MBNL1: variants seen among roughly 807,000 people sequenced by gnomAD.
MBNL1 encodes the protein muscleblind-like protein 1.
A neutral mutation model predicts 42.2 loss-of-function variants in MBNL1; 8 were observed. The observed-to-expected ratio is 0.19, with a 90% CI of 0.11 to 0.34. The LOEUF (loss-of-function observed/expected upper bound fraction) is 0.34, where lower values mean the gene tolerates loss of function less well. Ranked by LOEUF, MBNL1 falls within the 10% of genes least tolerant of loss-of-function variation. The pLI, the probability that MBNL1 is intolerant of heterozygous loss-of-function variation, is 1.00. For missense variants in MBNL1, 309 were observed against 495.3 expected (o/e 0.62, Z 3.57); for synonymous variants, 169 against 173.9 (o/e 0.97, Z 0.22).
chr3:152,285,850 T>C (rs1215044798), intron 1 of MBNL1, among the ~76,000 whole-genome samples: 2 of 151,918 alleles, frequency 1.3e-5, no homozygotes, highest in Admixed American at 6.6e-5. Context: ...TCTCGAACTC[T>C]TGGGCTCAAG....
intron 2 of MBNL1, among the ~76,000 whole-genome samples, chr3:152,248,068 A>G (rs1441489900): frequency 1.3e-5 from 2 of 152,026 alleles, no homozygotes; most frequent in Admixed American, 6.6e-5. Context: ...ATAAATTGCA[A>G]TATGATTTTG....
At chr3:152,288,524 A>G (rs1221053220) in intron 1 of MBNL1, among the ~76,000 whole-genome samples, 1 of 152,148 alleles carries the variant, frequency 6.6e-6, no homozygotes, top group Non-Finnish European at 1.5e-5. Flanking sequence ...ATCAGTTAGC[A>G]TCCAAAAAAG....
At chr3:152,262,100 C>T (rs774852647) in intron 2 of MBNL1, among the ~76,000 whole-genome samples, 1 of 152,144 alleles carries the variant, frequency 6.6e-6, no homozygotes, top group Non-Finnish European at 1.5e-5. Context: ...ACTTCTTTAT[C>T]CCCAGTGCCA....
Position 152,432,733 on chromosome 3 carries a change from C to G in MBNL1, c.362C>G (p.Ala121Gly), listed in dbSNP as rs1450523953. The change falls in exon 4 of 10, where the codon GCA becomes GGA. Residue 121 changes from alanine to glycine, a missense_variant. Transcript: ENST00000324210. ...ATTTTTCAGCCAATGTTTTCAGTTG[C>G]ACCAAGCTTAGCCACCAATGCATCA... Reference protein sequence around the residue: ...PLQPVPMFSVAPSLATNASAA... With the variant: ...PLQPVPMFSVGPSLATNASAA... 1.2e-6 allele frequency: 2 copies of G among 1,614,052 alleles called. No homozygotes were observed. Among genetic ancestry groups the G allele is most frequent in the Non-Finnish European group, 8.5e-7 (1 of 1,180,020 alleles).
chr3:152,258,072 G>T (rs779543578), intron 2 of MBNL1, among the ~76,000 whole-genome samples: 27 of 152,096 alleles, frequency 1.8e-4, no homozygotes, highest in Non-Finnish European at 3.8e-4. Context: ...AACTGTAAAG[G>T]TATCTCTGTA....
chr3:152,359,409 T>G (rs144253039), intron 2 of MBNL1, among the ~76,000 whole-genome samples: 3 of 152,328 alleles, frequency 2.0e-5, no homozygotes, highest in African/African-American at 7.2e-5. Context: ...GTGAGATGGA[T>G]CCAGTGGTAT....
rs541569974 is a variant in MBNL1 at position 152,332,553 on chromosome 3, A to G, written c.174+32186A>G. On this transcript the variant is annotated intron_variant, in intron 2 of 9. Coordinates refer to ENST00000324210, the MANE Select transcript of MBNL1 (RefSeq NM_021038.5). ...TGTAAATGACACACCACCTCAAGCT[A>G]TGCCACATGGGCACCTAAATAAGTT... Among the ~76,000 whole-genome samples, 4 of 152,342 alleles carry G rather than the reference A, an allele frequency of 2.6e-5. No individual in the cohort carries two copies. In the South Asian group the frequency reaches 8.3e-4, roughly 32 times the overall value.
intron 2 of MBNL1, among the ~76,000 whole-genome samples, chr3:152,356,443 C>G (rs1210259875): frequency 6.6e-6 from 1 of 152,072 alleles, no homozygotes; most frequent in African/African-American, 2.4e-5. Context: ...TCTAGTAATC[C>G]AAGTTTGCCT....
chr3:152,405,766 T>G (rs1310475258), intron 2 of MBNL1, among the ~76,000 whole-genome samples: 1 of 152,206 alleles, frequency 6.6e-6, no homozygotes, highest in Non-Finnish European at 1.5e-5. Context: ...GATAAATATT[T>G]ATAACACATT....
At chr3:152,459,089 A>AAGTT in intron 8 of MBNL1, 182 bp from the exon 9 acceptor site, 1 of 441,610 alleles carries the variant, frequency 2.3e-6, no homozygotes, top group Non-Finnish European at 4.1e-6. Context: ...GAAGATTTTA[A>AAGTT]AGTTAGTTGC....
At chr3:152,283,567 T>C (rs2049810924) in intron 1 of MBNL1, among the ~76,000 whole-genome samples, 1 of 152,222 alleles carries the variant, frequency 6.6e-6, no homozygotes, top group African/African-American at 2.4e-5. Flanking sequence ...GTCTTATTCT[T>C]AGCCCTTTGG....
intron 2 of MBNL1, among the ~76,000 whole-genome samples, chr3:152,354,901 C>T (rs555127530): frequency 9.9e-5 from 15 of 152,240 alleles, no homozygotes; most frequent in African/African-American, 3.4e-4. Context: ...CTCTTCAGAT[C>T]GTGTAAATCT....
chr3:152,268,292 G>T (rs1576837608), upstream of MBNL1: 1 of 167,880 alleles, frequency 6.0e-6, no homozygotes, highest in South Asian at 1.2e-4. Context: ...TTTCACTAAG[G>T]AATTCCAAAA....
intron 1 of MBNL1, among the ~76,000 whole-genome samples, chr3:152,276,036 T>C (rs1342860897): frequency 2.0e-5 from 3 of 152,154 alleles, no homozygotes; most frequent in Non-Finnish European, 4.4e-5. Flanking sequence ...AAGTAAGGTA[T>C]CTCATTTAAT....
intron 2 of MBNL1, among the ~76,000 whole-genome samples, chr3:152,411,924 T>C (rs2098588488): frequency 6.6e-6 from 1 of 152,210 alleles, no homozygotes; most frequent in Non-Finnish European, 1.5e-5. Context: ...GTTTTTTCTA[T>C]TATCTCCATT....
At chr3:152,271,371 T>C (rs898876016) in intron 1 of MBNL1, among the ~76,000 whole-genome samples, 2 of 152,222 alleles carry the variant, frequency 1.3e-5, no homozygotes, top group African/African-American at 2.4e-5. Context: ...GTATTTCTCA[T>C]TGAGGAAGGG....
chr3:152,433,755 A>AAT (rs929559184), intron 4 of MBNL1, among the ~76,000 whole-genome samples: 1 of 152,002 alleles, frequency 6.6e-6, no homozygotes, highest in African/African-American at 2.4e-5. Context: ...GTCTCAAAAA[A>AAT]AAAAAAAAAA....
intron 1 of MBNL1, among the ~76,000 whole-genome samples, chr3:152,293,845 T>A (rs1438709626): frequency 6.6e-6 from 1 of 152,166 alleles, no homozygotes. Flanking sequence ...ACCTTGCTCA[T>A]AGAGGCCATC....
intron 4 of MBNL1, among the ~76,000 whole-genome samples, chr3:152,437,287 A>G (rs80246707): frequency 2.0e-4 from 30 of 152,350 alleles, no homozygotes; most frequent in African/African-American, 7.2e-4. Flanking sequence ...CTTGTTAGAC[A>G]GTAAAGAAAT....
Sources: gnomAD v4.1 joint callset for allele counts (sites outside exome capture counted in the v4.1 genomes callset) on GRCh38, gnomAD v4.1.1 for gene constraint, MANE v1.5 for transcripts, NCBI Gene and HGNC (gene_info 2026-07-23, HGNC 2026-07-21) for gene names.